The following ABHD2 variants were observed in gnomAD, a reference collection of about 807,000 sequenced individuals.
ABHD2 encodes the protein monoacylglycerol lipase ABHD2.
A neutral mutation model predicts 48.1 loss-of-function variants in ABHD2; 20 were observed. The observed-to-expected ratio is 0.42, with a 90% confidence interval of 0.29 to 0.60. ABHD2 has a LOEUF of 0.60. ABHD2 is among the 20% of genes least tolerant of loss of function. The pLI is 0.24. For missense variants in ABHD2, 405 were observed against 550.9 expected (o/e 0.74, Z 2.65); for synonymous variants, 209 against 214.2 (o/e 0.98, Z 0.21).
In ABHD2 at chr15:89,151,987, A is replaced by G. The variant is rs984414737; in HGVS notation, c.370+135A>G. 7 of 1,166,026 alleles carry G rather than the reference A, an allele frequency of 6.0e-6. No individual in the cohort carries two copies. The highest frequency in any genetic ancestry group is 1.5e-5 in the African/African-American group (1 of 65,108). 72.2% of individuals were successfully genotyped at this position (1,166,026 alleles called of 1,614,324 possible). ...AGGGGCTGTTGGGAAGCCTGCTGGG[A>G]TTCGTCACTTAGGAGCAGCCTGCAA... On this transcript the variant is annotated intron_variant, in intron 4 of 10. Coordinates refer to ENST00000352732, the MANE Select transcript of ABHD2 (RefSeq NM_152924.5). The surrounding 1 kb of genome is among the most constrained non-coding windows in gnomAD (Gnocchi z 4.7).
the ABHD2 span, among the ~76,000 whole-genome samples, chr15:89,044,897 T>C: frequency 1.2e-3 from 179 of 151,318 alleles, no homozygotes; most frequent in Non-Finnish European, 2.0e-3. Flanking sequence ...GTTCAGAAGC[T>C]CTTTAGTTTA....
chr15:89,101,275 A>C (rs193178273), intron 1 of ABHD2, among the ~76,000 whole-genome samples: 18 of 152,204 alleles, frequency 1.2e-4, no homozygotes, highest in Admixed American at 1.0e-3. Context: ...TGGGACAGTA[A>C]CTCCTCTGAG....
the ABHD2 span, among the ~76,000 whole-genome samples, chr15:89,076,416 A>C: frequency 6.6e-6 from 1 of 152,192 alleles, no homozygotes; most frequent in African/African-American, 2.4e-5. Context: ...AAACATAATC[A>C]TAATATAATT....
rs551053255 is a variant in ABHD2, at chr15:89,114,036, G to A, written c.-7+212G>A. Among the ~76,000 whole-genome samples, 221 of 152,332 alleles carry A rather than the reference G, an allele frequency of 1.5e-3. No individual in the cohort carries two copies. Among genetic ancestry groups the A allele is most frequent in the Non-Finnish European group, 2.6e-3 (175 of 68,024 alleles). On this transcript the variant is annotated intron_variant, in intron 2 of 10. Transcript: ENST00000352732. This position sits in a 1 kb window ranked among gnomAD's most constrained non-coding sequence, Gnocchi z 4.2. ...CTTCTAGTTCAGTTCTGTATTACCAGCATATAGTCAGAGAATTTCTGGTGG... is the reference window on the plus strand; with the variant it reads ...CTTCTAGTTCAGTTCTGTATTACCAACATATAGTCAGAGAATTTCTGGTGG...
chr15:89,122,821 A>G (rs2050072922), intron 3 of ABHD2, among the ~76,000 whole-genome samples: 1 of 152,204 alleles, frequency 6.6e-6, no homozygotes, highest in Non-Finnish European at 1.5e-5. Context: ...GCTTGCCAGT[A>G]TGGGCTGTCT....
At chr15:89,131,210 C>T (rs1242419511) in intron 3 of ABHD2, among the ~76,000 whole-genome samples, 1 of 152,198 alleles carries the variant, frequency 6.6e-6, no homozygotes, top group East Asian at 1.9e-4. Flanking sequence ...CATCAGCCCT[C>T]GCTCCTTCTT....
At chr15:89,071,107 C>A in the ABHD2 span, among the ~76,000 whole-genome samples, 1 of 152,024 alleles carries the variant, frequency 6.6e-6, no homozygotes, top group African/African-American at 2.4e-5. Flanking sequence ...AAAGAAGAGA[C>A]CCAAAGGTAG....
chr15:89,133,444 T>G (rs532835011), intron 3 of ABHD2, among the ~76,000 whole-genome samples: 1 of 152,128 alleles, frequency 6.6e-6, no homozygotes, highest in African/African-American at 2.4e-5. Flanking sequence ...CATGGAAAAT[T>G]TTGCTAGCTG....
chr15:89,147,238 T>A (rs2050507295), intron 3 of ABHD2, among the ~76,000 whole-genome samples: 1 of 152,146 alleles, frequency 6.6e-6, no homozygotes, highest in South Asian at 2.1e-4. Context: ...TATCTTCCCT[T>A]CACATCATTT....
At chr15:89,160,099 G>C (rs1156654113) in intron 5 of ABHD2, among the ~76,000 whole-genome samples, 3 of 152,200 alleles carry the variant, frequency 2.0e-5, no homozygotes, top group Non-Finnish European at 2.9e-5. Flanking sequence ...GTTTCGTTAG[G>C]TGCTATTGAT....
intron 1 of ABHD2, among the ~76,000 whole-genome samples, chr15:89,112,182 C>T (rs1278944321): frequency 1.3e-5 from 2 of 152,130 alleles, no homozygotes; most frequent in South Asian, 2.1e-4. Flanking sequence ...AGCGGGGCAG[C>T]CCTGCTCAGC....
chr15:89,096,617 A>T (rs11638369), intron 1 of ABHD2, among the ~76,000 whole-genome samples: 53,774 of 152,020 alleles, frequency 0.35, 10,180 homozygotes, highest in Non-Finnish European at 0.44. Flanking sequence ...GAGAAATATT[A>T]GCTGAGTTGA....
chr15:89,130,376 A>G (rs2050200045), intron 3 of ABHD2, among the ~76,000 whole-genome samples: 1 of 152,164 alleles, frequency 6.6e-6, no homozygotes, highest in Non-Finnish European at 1.5e-5. Context: ...GAGCAATGTC[A>G]CACCTCACAC....
chr15:89,201,551 G>C lies in ABHD2; in HGVS notation c.*6128G>C. On this transcript the variant is annotated 3_prime_UTR_variant, in exon 11 of 11. Coordinates refer to ENST00000352732, the MANE Select transcript of ABHD2 (RefSeq NM_152924.5). ...GTTTACTCTTTTCATTCGGATCATA[G>C]TCAAAGGGCTGTAGCATTACTGAAA... is the stretch of plus-strand genomic sequence containing the variant. 1 of 1,596,290 alleles carries C rather than the reference G, an allele frequency of 6.3e-7. No individual in the cohort carries two copies. Among genetic ancestry groups the C allele is most frequent in the Non-Finnish European group, 8.6e-7 (1 of 1,163,872 alleles).
chr15:89,145,594 G>A (rs1053993826), intron 3 of ABHD2, among the ~76,000 whole-genome samples: 2 of 152,164 alleles, frequency 1.3e-5, no homozygotes, highest in African/African-American at 4.8e-5. Context: ...TTCAGGGGAC[G>A]TCTGTCCCCT....
chr15:89,142,477 C>A (rs1344122011), intron 3 of ABHD2, among the ~76,000 whole-genome samples: 2 of 152,196 alleles, frequency 1.3e-5, no homozygotes, highest in Non-Finnish European at 2.9e-5. Flanking sequence ...CTCCGGGTGA[C>A]ATAATTTCTT....
At chr15:89,181,976 A>G (rs1311519073) in intron 6 of ABHD2, among the ~76,000 whole-genome samples, 1 of 152,218 alleles carries the variant, frequency 6.6e-6, no homozygotes, top group East Asian at 1.9e-4. Context: ...ATCTCTCACT[A>G]GAAAATGGCT....
upstream of ABHD2, among the ~76,000 whole-genome samples, chr15:89,086,003 C>T (rs1901338465): frequency 2.6e-5 from 4 of 152,070 alleles, no homozygotes; most frequent in African/African-American, 4.8e-5. Context: ...GATATGTGTA[C>T]ACACCCCTCC....
At chr15:89,170,544 A>G (rs1175021632) in intron 5 of ABHD2, among the ~76,000 whole-genome samples, 4 of 152,214 alleles carry the variant, frequency 2.6e-5, no homozygotes, top group Non-Finnish European at 5.9e-5. Context: ...ATACATATGC[A>G]GTATAAAGTC....
Sources: allele counts gnomAD v4.1 joint callset (sites outside exome capture counted in the v4.1 genomes callset), GRCh38; gene constraint gnomAD v4.1.1; non-coding constraint Gnocchi (gnomAD v3.1); transcripts MANE v1.5; gene names NCBI Gene and HGNC (gene_info 2026-07-23, HGNC 2026-07-21).